MYT1L: variants seen among roughly 807,000 people sequenced by gnomAD.
MYT1L encodes the protein myelin transcription factor 1 like.
A neutral mutation model predicts 126.7 loss-of-function variants in MYT1L; 12 were observed. The observed-to-expected ratio is 0.09, with a 90% CI of 0.06 to 0.15. The LOEUF (loss-of-function observed/expected upper bound fraction) is 0.15, where lower values mean the gene tolerates loss of function less well. MYT1L is among the 10% of genes least tolerant of loss of function. The pLI, the probability that MYT1L is intolerant of heterozygous loss-of-function variation, is 1.00. For missense variants in MYT1L, 979 were observed against 1,585.2 expected, an observed-to-expected ratio of 0.62 and a Z score of 6.49; for synonymous variants, 541 against 604.2, an observed-to-expected ratio of 0.90 and a Z score of 1.53.
intron 8 of MYT1L, among the ~76,000 whole-genome samples, chr2:1,966,099 T>G (rs1461907938): frequency 6.6e-6 from 1 of 152,196 alleles, no homozygotes; most frequent in Non-Finnish European, 1.5e-5. Flanking sequence ...ATGAGATCAG[T>G]GCTTTCTAAT....
intron 18 of MYT1L, among the ~76,000 whole-genome samples, chr2:1,861,200 A>T (rs374461420): frequency 6.0e-4 from 91 of 152,246 alleles, no homozygotes; most frequent in African/African-American, 2.0e-3. Flanking sequence ...GACTTCTTCC[A>T]CTGCTGAACT....
chr2:2,101,105 T>C (rs1010019155), intron 3 of MYT1L, among the ~76,000 whole-genome samples: 1 of 152,228 alleles, frequency 6.6e-6, no homozygotes, highest in African/African-American at 2.4e-5. Flanking sequence ...ATTATTGCAA[T>C]CTTAAAAAAT....
At chr2:2,155,883 A>G (rs938684117) in intron 3 of MYT1L, among the ~76,000 whole-genome samples, 17 of 152,268 alleles carry the variant, frequency 1.1e-4, no homozygotes, top group Admixed American at 2.6e-4. Context: ...ACCATGTTCC[A>G]TGATTTGCTG....
intron 5 of MYT1L, among the ~76,000 whole-genome samples, chr2:1,996,686 C>T (rs1439582977): frequency 7.7e-6 from 1 of 129,124 alleles, no homozygotes; most frequent in Non-Finnish European, 1.6e-5. Context: ...GTGGGCTGCA[C>T]AGAACCGAGT....
rs1289314796 is a variant in MYT1L at position 2,228,751 on chromosome 2, C to T, written c.-421+55653G>A. On this transcript the variant is annotated intron_variant, in intron 2 of 24. Transcript: ENST00000647738. The surrounding 1 kb of genome is among the most constrained non-coding windows in gnomAD (Gnocchi z 5.9). ...CTATAAATACACTATTTCATGTTCC[C>T]CCAAACACCTGAAAACTTATGAAAA... Among the ~76,000 whole-genome samples, 3 of 151,998 alleles carry T rather than the reference C, an allele frequency of 2.0e-5. No homozygotes were observed. Among genetic ancestry groups the T allele is most frequent in the Non-Finnish European group, 4.4e-5 (3 of 68,018 alleles).
At chr2:2,295,663 CAGAGAGAG>C (rs377336266) in intron 1 of MYT1L, among the ~76,000 whole-genome samples, 26 of 32,214 alleles carry the variant, frequency 8.1e-4, no homozygotes, top group South Asian at 2.6e-3. Flanking sequence ...GACAGACAGA[CAGAGAGAG>C]AGAGAGAGAC....
rs534573031 is a variant in MYT1L, at chr2:1,939,554, G to A, written c.505+3428C>T. Among the ~76,000 whole-genome samples the A allele has an allele frequency of 5.9e-5, 9 of 152,326 alleles. No homozygotes were observed. The South Asian group carries it at 1.9e-3, about 32-fold the overall frequency. The stretch of plus-strand genomic sequence containing the variant: ...ATTTACATTTGTTGATAGTGATTTT[G>A]GCACTACATTTAACAGTGAGGTAAC... On this transcript the variant is annotated intron_variant, in intron 9 of 24. Coordinates refer to ENST00000647738, the MANE Select transcript of MYT1L (RefSeq NM_001303052.2).
At chr2:1,839,072 T>C (rs1470141732) in intron 21 of MYT1L, 77 bp downstream of exon 21, 1 of 1,306,606 alleles carries the variant, frequency 7.7e-7, no homozygotes, top group Non-Finnish European at 1.0e-6. Flanking sequence ...TGGCACCTGC[T>C]GCCGTCATAA....
At chr2:2,003,975 A>C (rs138061465) in intron 4 of MYT1L, among the ~76,000 whole-genome samples, 13 of 132,190 alleles carry the variant, frequency 9.8e-5, no homozygotes, top group East Asian at 2.5e-4. Flanking sequence ...TCCTGCAGGC[A>C]TTCTTTCCTG....
At chr2:1,836,406 CCAT>C (rs1172842179) in intron 21 of MYT1L, among the ~76,000 whole-genome samples, 6 of 151,090 alleles carry the variant, frequency 4.0e-5, no homozygotes, top group South Asian at 2.1e-4. Flanking sequence ...CCCCAAGATT[CCAT>C]CAACCTGCCC....
intron 18 of MYT1L, 98 bp downstream of exon 18, chr2:1,886,441 T>C: frequency 1.1e-6 from 1 of 904,894 alleles, no homozygotes; most frequent in Non-Finnish European, 1.6e-6. Flanking sequence ...GCCATGTTTT[T>C]TAACAGACAT....
rs189726443 is a variant in MYT1L, at chr2:2,073,985, C to A, written c.-303-19862G>T. Among the ~76,000 whole-genome samples, 183 of 152,212 alleles carry A rather than the reference C, an allele frequency of 1.2e-3. 1 individual carries two copies. The highest frequency in any genetic ancestry group is 1.3e-3 in the Non-Finnish European group (87 of 68,024). Reference sequence around the variant, plus strand: ...TTGCCCGTCTCACCCACAAGACTCTCGAGGCCCTGTATATGGTCATTTTAT... The same window carrying A: ...TTGCCCGTCTCACCCACAAGACTCTAGAGGCCCTGTATATGGTCATTTTAT... On this transcript the variant is annotated intron_variant, in intron 3 of 24. Transcript: ENST00000647738.
chr2:2,315,122 A>G (rs766223418), intron 1 of MYT1L, among the ~76,000 whole-genome samples: 6 of 152,192 alleles, frequency 3.9e-5, no homozygotes, highest in Non-Finnish European at 7.3e-5. Flanking sequence ...AGCACACAGC[A>G]CTTTTCTGTT....
chr2:1,933,969 ATTTTT>A (rs920521570), intron 9 of MYT1L, among the ~76,000 whole-genome samples: 1 of 111,756 alleles, frequency 8.9e-6, no homozygotes. Context: ...TCTAATTTTG[ATTTTT>A]TTTTTTTTTT....
At chr2:1,962,996 G>A (rs1226665642) in intron 8 of MYT1L, among the ~76,000 whole-genome samples, 1 of 152,200 alleles carries the variant, frequency 6.6e-6, no homozygotes, top group Admixed American at 6.5e-5. Flanking sequence ...CTTCCCATAA[G>A]ATTTTCAATT....
chr2:2,037,931 C>T (rs1438400360), intron 4 of MYT1L, among the ~76,000 whole-genome samples: 1 of 152,172 alleles, frequency 6.6e-6, no homozygotes, highest in Non-Finnish European at 1.5e-5. Context: ...GTAACCTCCC[C>T]TAACTCCCAG....
intron 2 of MYT1L, among the ~76,000 whole-genome samples, chr2:2,273,745 T>G (rs969297603): frequency 6.6e-6 from 1 of 152,142 alleles, no homozygotes; most frequent in East Asian, 1.9e-4. Flanking sequence ...GAGAGGTTAC[T>G]AAGGAGGGAA....
At chr2:2,114,735 C>T (rs1044698138) in intron 3 of MYT1L, among the ~76,000 whole-genome samples, 3 of 152,170 alleles carry the variant, frequency 2.0e-5, no homozygotes, top group Non-Finnish European at 4.4e-5. Flanking sequence ...GCCAATGAGT[C>T]AATGCTACAG....
At chr2:1,866,973 G>T (rs2045649551) in intron 18 of MYT1L, among the ~76,000 whole-genome samples, 1 of 95,588 alleles carries the variant, frequency 1.0e-5, no homozygotes, top group African/African-American at 5.0e-5. Context: ...GAGAGAGGGA[G>T]GAGAGAGAGA....
Sources: gnomAD v4.1 joint callset for allele counts (sites outside exome capture counted in the v4.1 genomes callset) on GRCh38, gnomAD v4.1.1 for gene constraint, Gnocchi (gnomAD v3.1) non-coding constraint, MANE v1.5 for transcripts, NCBI Gene and HGNC (gene_info 2026-07-23, HGNC 2026-07-21) for gene names.